COLEC10: variants seen among roughly 807,000 people sequenced by gnomAD.
COLEC10 encodes collectin subfamily member 10, also known as collectin-10.
A neutral mutation model predicts 28.4 loss-of-function variants in COLEC10; 22 were observed. The observed-to-expected ratio is 0.78, with a 90% CI of 0.55 to 1.11. The LOEUF (loss-of-function observed/expected upper bound fraction) is 1.11. COLEC10 is among the 50% of genes least tolerant of loss of function. The pLI is 0.00. For missense variants in COLEC10, 361 were observed against 344.1 expected, an observed-to-expected ratio of 1.05 and a Z score of -0.39; for synonymous variants, 125 against 116.1, an observed-to-expected ratio of 1.08 and a Z score of -0.49.
rs533367672 is a variant in COLEC10 at position 119,092,764 on chromosome 8, G to A, written c.292+1544G>A. Among the ~76,000 whole-genome samples, 66 of 152,098 alleles carry A rather than the reference G, an allele frequency of 4.3e-4. 1 individual carries two copies. The highest frequency in any genetic ancestry group is 1.6e-3 in the African/African-American group (65 of 41,492). ...CTACTAAAAATACAAAAATTAACTG[G>A]GTGTGGTGGTGCACGCCTGTAATCC... On this transcript the variant is annotated intron_variant, in intron 3 of 5. Transcript: ENST00000332843.
chr8:118,955,576 G>A, the COLEC10 span, among the ~76,000 whole-genome samples: 17 of 152,294 alleles, frequency 1.1e-4, no homozygotes, highest in Admixed American at 1.0e-3. Flanking sequence ...ACAAGACTGT[G>A]TATCACATGA....
chr8:118,965,736 A>G, the COLEC10 span, among the ~76,000 whole-genome samples: 28 of 152,090 alleles, frequency 1.8e-4, no homozygotes, highest in Non-Finnish European at 4.0e-4. Flanking sequence ...GGAGTTATTC[A>G]TGGATCTCAT....
In COLEC10 at chr8:119,108,425, G is replaced by T. The variant is rs887118781; in HGVS notation, c.*2234G>T. On this transcript the variant is annotated 3_prime_UTR_variant, in exon 6 of 6. Coordinates refer to ENST00000332843, the MANE Select transcript of COLEC10 (RefSeq NM_006438.5). ...ACTGTTAGTGCTATTATTATTTACT[G>T]TGAATGTTATAATAATAGTTCTCTC... is the stretch of plus-strand genomic sequence containing the variant. Among the ~76,000 whole-genome samples the T allele has an allele frequency of 1.3e-5, 2 of 152,150 alleles. No individual in the cohort carries two copies. The highest frequency in any genetic ancestry group is 4.8e-5 in the African/African-American group (2 of 41,434).
intron 2 of COLEC10, among the ~76,000 whole-genome samples, chr8:119,047,842 A>G (rs1814611738): frequency 6.6e-6 from 1 of 152,120 alleles, no homozygotes. Context: ...AAAAAATTTA[A>G]TCTTTCTCTC....
chr8:119,106,512 A>G lies in COLEC10; in HGVS notation c.*321A>G, dbSNP rs1420600198. 4.1e-6 allele frequency: 1 copy of G among 243,788 alleles called. No homozygotes were observed. The highest frequency in any genetic ancestry group is 2.2e-5 in the African/African-American group (1 of 45,620). The allele number at this position is 243,788 out of a possible 1,614,324, so 15.1% of individuals were successfully genotyped here. A position where few individuals can be genotyped will look rare whatever the true frequency, so the allele number is the denominator to read the frequency against. On this transcript the variant is annotated 3_prime_UTR_variant, in exon 6 of 6. Coordinates refer to ENST00000332843, the MANE Select transcript of COLEC10 (RefSeq NM_006438.5). ...GGTATTTGCTCTACCATCTCTCCCT[A>G]GAGCACTCTGTGTCTATCCCAGTGG...
At chr8:119,086,113 A>T (rs1563739309) in intron 1 of COLEC10, among the ~76,000 whole-genome samples, 1 of 152,328 alleles carries the variant, frequency 6.6e-6, no homozygotes, top group African/African-American at 2.4e-5. Context: ...ATTCAATTTT[A>T]AAAGACATTT....
At chr8:119,104,028 T>C in intron 5 of COLEC10, 133 bp downstream of exon 5, 1 of 630,528 alleles carries the variant, frequency 1.6e-6, no homozygotes, top group East Asian at 2.9e-5. Context: ...TTTAAGGGTC[T>C]CCCAAATTGC....
chr8:119,087,453 T>C (rs1203162203), intron 1 of COLEC10, among the ~76,000 whole-genome samples: 2 of 152,214 alleles, frequency 1.3e-5, no homozygotes, highest in African/African-American at 4.8e-5. Context: ...AAAAAAAGTG[T>C]AATTTTTGTC....
intron 2 of COLEC10, among the ~76,000 whole-genome samples, chr8:119,028,214 T>C (rs1179078232): frequency 6.6e-6 from 1 of 152,158 alleles, no homozygotes; most frequent in Admixed American, 6.6e-5. Flanking sequence ...AATGAATAAC[T>C]GCTAGATAAA....
At chr8:119,038,294 AT>A (rs1249917377) in intron 2 of COLEC10, among the ~76,000 whole-genome samples, 1 of 152,210 alleles carries the variant, frequency 6.6e-6, no homozygotes, top group African/African-American at 2.4e-5. Flanking sequence ...TACACAGTAA[AT>A]TCACTGATAC....
At chr8:119,105,507 T>C (rs1815918956) in intron 5 of COLEC10, among the ~76,000 whole-genome samples, 1 of 152,100 alleles carries the variant, frequency 6.6e-6, no homozygotes, top group South Asian at 2.1e-4. Flanking sequence ...TTGGGAAATA[T>C]AGTATGAGAT....
Position 119,106,221 on chromosome 8 carries a change from C to T in COLEC10, c.*30C>T. ...CCTCATCCTACGTATTTGCTATTTT[C>T]CTGTGACCGTCATTACAGTTATTGT... On this transcript the variant is annotated 3_prime_UTR_variant, in exon 6 of 6. Transcript: ENST00000332843. The T allele has an allele frequency of 6.4e-7, 1 of 1,568,644 alleles. No homozygotes were observed. Among genetic ancestry groups the T allele is most frequent in the Non-Finnish European group, 8.7e-7 (1 of 1,153,166 alleles).
chr8:118,965,013 C>T, the COLEC10 span, among the ~76,000 whole-genome samples: 1 of 152,148 alleles, frequency 6.6e-6, no homozygotes, highest in East Asian at 1.9e-4. Flanking sequence ...AGAGAGACTT[C>T]ATAGGGCATT....
intron 1 of COLEC10, among the ~76,000 whole-genome samples, chr8:119,007,148 A>G (rs546307802): frequency 1.4e-4 from 21 of 152,206 alleles, no homozygotes; most frequent in African/African-American, 5.1e-4. Context: ...ATATCGCCAA[A>G]CCACGTTAGA....
At chr8:119,091,983 A>G (rs1351420560) in intron 3 of COLEC10, among the ~76,000 whole-genome samples, 2 of 152,168 alleles carry the variant, frequency 1.3e-5, no homozygotes, top group African/African-American at 4.8e-5. Flanking sequence ...GGATTAACCA[A>G]AAATTCTGTG....
At chr8:119,027,739 T>C (rs554171537) in intron 2 of COLEC10, among the ~76,000 whole-genome samples, 1 of 152,348 alleles carries the variant, frequency 6.6e-6, no homozygotes, top group Non-Finnish European at 1.5e-5. Context: ...TCTATGAACC[T>C]TCCTCTGACT....
At chr8:118,978,192 T>A in the COLEC10 span, among the ~76,000 whole-genome samples, 1 of 152,114 alleles carries the variant, frequency 6.6e-6, no homozygotes, top group Admixed American at 6.6e-5. Context: ...TAACTTCTGA[T>A]TTCATAATTC....
intron 3 of COLEC10, among the ~76,000 whole-genome samples, chr8:119,093,453 G>A (rs949430528): frequency 3.3e-5 from 5 of 152,152 alleles, no homozygotes; most frequent in Non-Finnish European, 7.3e-5. Flanking sequence ...CTGGGGAAGA[G>A]CAATATGAGC....
intron 2 of COLEC10, among the ~76,000 whole-genome samples, chr8:119,030,895 T>C (rs1466463679): frequency 6.6e-6 from 1 of 152,174 alleles, no homozygotes; most frequent in Non-Finnish European, 1.5e-5. Flanking sequence ...ATATGAAGAT[T>C]TCAAAATCCC....
Sources: gnomAD v4.1 joint callset for allele counts (sites outside exome capture counted in the v4.1 genomes callset) on GRCh38, gnomAD v4.1.1 for gene constraint, MANE v1.5 for transcripts, NCBI Gene and HGNC (gene_info 2026-07-23, HGNC 2026-07-21) for gene names.